Variants in ALAS1 observed in about 807,000 individuals in gnomAD.
The protein encoded by ALAS1 is 5-aminolevulinate synthase, non-specific, mitochondrial.
Under a neutral mutation model 59.6 loss-of-function variants are expected in ALAS1, and 29 were observed. The observed-to-expected ratio is 0.49, with a 90% CI of 0.36 to 0.66. ALAS1 has a LOEUF of 0.66. ALAS1 is among the 30% of genes least tolerant of loss of function. The pLI, the probability that ALAS1 is intolerant of heterozygous loss-of-function variation, is 0.00. For synonymous variants in ALAS1, 299 were observed against 296.6 expected, an observed-to-expected ratio of 1.01 and a Z score of -0.08; for missense variants, 690 against 807.5, an observed-to-expected ratio of 0.85 and a Z score of 1.76.
At position 52,205,995 on chromosome 3, in the gene ALAS1, C is replaced by A; in HGVS notation, c.957C>A (p.Thr319=). The change falls in exon 7 of 12, where the codon ACC becomes ACA. Residue 319 remains threonine (T), a synonymous_variant. Transcript: ENST00000484952. The stretch of plus-strand genomic sequence containing the variant: ...CGTGCTTTGTGGCCAATGACTCAAC[C>A]CTCTTCACCCTGGCTAAGATGATGC... The part of the protein sequence containing the change: ...FSSCFVANDS[T]LFTLAKMMPG... 3 of 1,612,352 alleles carry A rather than the reference C, an allele frequency of 1.9e-6. No individual in the cohort carries two copies. The highest frequency in any genetic ancestry group is 2.5e-6 in the Non-Finnish European group (3 of 1,178,990).
At chr3:52,198,938 G>A (rs1044678512) in intron 2 of ALAS1, 90 bp downstream of exon 2, 54 of 1,413,778 alleles carry the variant, frequency 3.8e-5, no homozygotes, top group Non-Finnish European at 4.6e-5. Flanking sequence ...TCATCCTTCC[G>A]CCCCCTTGAT....
chr3:52,208,186 C>T lies in ALAS1; in HGVS notation c.1269C>T (p.Gly423=), dbSNP rs141435391. The part of the protein sequence containing the change: ...VHAVGLYGAR[G]GGIGDRDGVM... ...CAGTGGGGCTTTATGGGGCTCGAGGCGGAGGGATTGGGGATCGGGATGGAG... is the reference window on the plus strand; with the variant it reads ...CAGTGGGGCTTTATGGGGCTCGAGGTGGAGGGATTGGGGATCGGGATGGAG... Residue 423 remains glycine, a synonymous_variant, in exon 9 of 12, where the codon GGC becomes GGT. Transcript: ENST00000484952. 652 of 1,613,874 alleles carry T rather than the reference C, an allele frequency of 4.0e-4. 2 individuals are homozygous for T. The African/African-American group carries it at 6.6e-3, about 16-fold the overall frequency.
At position 52,208,171 on chromosome 3, in the gene ALAS1, T is replaced by C; in HGVS notation, c.1254T>C (p.Leu418=). Reference sequence around the variant, plus strand: ...TGGATGAGGTCCACGCAGTGGGGCTTTATGGGGCTCGAGGCGGAGGGATTG... The same window carrying C: ...TGGATGAGGTCCACGCAGTGGGGCTCTATGGGGCTCGAGGCGGAGGGATTG... ...TFVDEVHAVG[L]YGARGGGIGD... Residue 418 remains leucine, a synonymous_variant, in exon 9 of 12, where the codon CTT becomes CTC. Transcript: ENST00000484952. 1 of 1,613,822 alleles carries C rather than the reference T, an allele frequency of 6.2e-7. No individual in the cohort carries two copies. Among genetic ancestry groups the C allele is most frequent in the Non-Finnish European group, 8.5e-7 (1 of 1,179,822 alleles).
rs1285063855 is a variant in ALAS1, at chr3:52,199,435, G to T, written c.194G>T (p.Ser65Ile). The T allele has an allele frequency of 2.5e-6, 4 of 1,612,916 alleles. No individual in the cohort carries two copies. The highest frequency in any genetic ancestry group is 3.4e-6 in the Non-Finnish European group (4 of 1,179,360). ...CAGATCAAAGAAACCCCTCCGGCCAGTGAGAGTAAGTGTCATTGACAATGA... is the reference window on the plus strand; with the variant it reads ...CAGATCAAAGAAACCCCTCCGGCCATTGAGAGTAAGTGTCATTGACAATGA... The part of the protein sequence containing the change: ...YQQIKETPPA[S>I]EKDKTAKAKV... Residue 65 changes from serine to isoleucine, a missense_variant, in exon 3 of 12, where the codon AGT becomes ATT. By Grantham distance (142) the Ser-to-Ile change is moderately radical. Coordinates refer to ENST00000484952, the MANE Select transcript of ALAS1 (RefSeq NM_000688.6).
At chr3:52,206,841 T>C (rs1367244590) in intron 8 of ALAS1, 90 bp downstream of exon 8, 2 of 751,946 alleles carry the variant, frequency 2.7e-6, no homozygotes, top group East Asian at 4.5e-5. Context: ...TGTTTTTTAA[T>C]TTTTTTTTTT....
chr3:52,199,081 C>T (rs1018284135), intron 2 of ALAS1, 129 bp from the exon 3 acceptor site: 3 of 1,051,452 alleles, frequency 2.9e-6, no homozygotes, highest in Non-Finnish European at 2.8e-6. Context: ...TGTCCTTAGG[C>T]ATTTTTGAGG....
At chr3:52,201,248 A>C (rs1446140101) in intron 3 of ALAS1, among the ~76,000 whole-genome samples, 1 of 152,226 alleles carries the variant, frequency 6.6e-6, no homozygotes, top group African/African-American at 2.4e-5. Flanking sequence ...TAGAAGGATA[A>C]TTACCAGCCA....
Position 52,199,490 on chromosome 3 carries a change from G to A in ALAS1, c.199+50G>A, listed in dbSNP as rs565429731. 6.4e-6 allele frequency: 10 copies of A among 1,562,590 alleles called. No individual in the cohort carries two copies. In the South Asian group the frequency reaches 1.0e-4, roughly 16 times the overall value. On this transcript the variant is annotated intron_variant, in intron 3 of 11. Transcript: ENST00000484952. ...GCAGGTATGGGTGTTTGTGCTCATTGGTAGACTAGAAGCAGTCCCCACAGT... is the reference window on the plus strand; with the variant it reads ...GCAGGTATGGGTGTTTGTGCTCATTAGTAGACTAGAAGCAGTCCCCACAGT...
chr3:52,202,457 A>C, intron 3 of ALAS1, 50 bp from the exon 4 acceptor site: 3 of 1,444,414 alleles, frequency 2.1e-6, no homozygotes, highest in Non-Finnish European at 2.9e-6. Context: ...GTTTTCTTAC[A>C]TACTGTGCAA....
At position 52,206,025 on chromosome 3, in the gene ALAS1, TAAGG is replaced by T. The variant is rs1699285278; in HGVS notation, c.985+6_985+9del. The stretch of plus-strand genomic sequence containing the variant: ...TCACCCTGGCTAAGATGATGCCAGG[TAAGG>T]AAGCCTGGCATGAGTGCCTTCGAGT... On this transcript the variant is annotated splice_donor_5th_base_variant and intron_variant, in intron 7 of 11. Transcript: ENST00000484952. 1.3e-6 allele frequency: 2 copies of T among 1,586,242 alleles called. No individual in the cohort carries two copies. Among genetic ancestry groups the T allele is most frequent in the Admixed American group, 1.8e-5 (1 of 55,822 alleles).
chr3:52,212,122 C>T (rs1699422334), intron 10 of ALAS1, 136 bp from the exon 11 acceptor site: 7 of 773,364 alleles, frequency 9.1e-6, no homozygotes, highest in African/African-American at 1.7e-5. Flanking sequence ...CAGCGCTTTC[C>T]CTCTGCCCCA....
rs202174005 is a variant in ALAS1 at position 52,211,424 on chromosome 3, T to C, written c.1472T>C (p.Ile491Thr). ...LLAGALESVR[I>T]LKSAEGRVLR... Reference sequence around the variant, plus strand: ...GCTGGAGCCCTGGAGTCTGTGCGGATCCTGAAGAGCGCTGAGGGACGGGTG... The same window carrying C: ...GCTGGAGCCCTGGAGTCTGTGCGGACCCTGAAGAGCGCTGAGGGACGGGTG... The change falls in exon 10 of 12, where the codon ATC becomes ACC. Residue 491 changes from isoleucine to threonine, a missense_variant. By Grantham distance (89) the Ile-to-Thr change is moderately conservative. Coordinates refer to ENST00000484952, the MANE Select transcript of ALAS1 (RefSeq NM_000688.6). 2 of 1,614,216 alleles carry C rather than the reference T, an allele frequency of 1.2e-6. No homozygotes were observed. The highest frequency in any genetic ancestry group is 1.7e-6 in the Non-Finnish European group (2 of 1,180,032).
At chr3:52,204,946 G>T (rs1459331024) in intron 6 of ALAS1, 31 bp downstream of exon 6, 1 of 1,569,466 alleles carries the variant, frequency 6.4e-7, no homozygotes, top group East Asian at 2.2e-5. Flanking sequence ...AAATATTACT[G>T]TTGTTATTTG....
Position 52,202,731 on chromosome 3 carries a change from A to G in ALAS1, c.424A>G (p.Lys142Glu), listed in dbSNP as rs1295098952. The G allele has an allele frequency of 6.2e-7, 1 of 1,613,774 alleles. No individual in the cohort carries two copies. Among genetic ancestry groups the G allele is most frequent in the East Asian group, 2.2e-5 (1 of 44,884 alleles). Residue 142 changes from lysine to glutamate, a missense_variant, in exon 4 of 12, where the codon AAA (lysine) becomes GAA (glutamate). By Grantham distance (56) the Lys-to-Glu change is moderately conservative. Transcript: ENST00000484952. ...EDVQEMNAVR[K>E]EVAETSAGPS... Reference sequence around the variant, plus strand: ...TGTGCAGGAAATGAATGCCGTGAGGAAAGGTAAGAGATGAGTTGTGAACCA... The same window carrying G: ...TGTGCAGGAAATGAATGCCGTGAGGGAAGGTAAGAGATGAGTTGTGAACCA...
intron 10 of ALAS1, 111 bp from the exon 11 acceptor site, chr3:52,212,147 G>A (rs1699422617): frequency 1.1e-6 from 1 of 933,898 alleles, no homozygotes; most frequent in Non-Finnish European, 1.6e-6. Context: ...TGCATGTGTT[G>A]CTACAGTCTG....
rs562527726 is a variant in ALAS1 at position 52,204,694 on chromosome 3, T to C, written c.579T>C (p.Ser193=). ...SHLLQDNLPK[S]VSTFQYDRFF... ...TACTGTCTTTTGTTCAATTTTTAGC[T>C]GTTTCCACTTTTCAGTATGATCGTT... The change falls in exon 6 of 12, where the codon TCT becomes TCC. Residue 193 remains serine (S), a splice_region_variant and synonymous_variant. Transcript: ENST00000484952. The C allele has an allele frequency of 6.2e-7, 1 of 1,613,310 alleles. No homozygotes were observed. Among genetic ancestry groups the C allele is most frequent in the Admixed American group, 1.7e-5 (1 of 60,000 alleles).
At chr3:52,211,091 A>G (rs868847516) in intron 9 of ALAS1, among the ~76,000 whole-genome samples, 192 bp from the exon 10 acceptor site, 1 of 152,218 alleles carries the variant, frequency 6.6e-6, no homozygotes, top group Non-Finnish European at 1.5e-5. Flanking sequence ...ATCTTATGGG[A>G]CCACCATCAT....
intron 11 of ALAS1, 35 bp from the exon 12 acceptor site, chr3:52,213,985 A>T (rs1212382294): frequency 1.9e-6 from 3 of 1,575,308 alleles, no homozygotes; most frequent in Non-Finnish European, 2.6e-6. Flanking sequence ...TGTGTATATT[A>T]CTCCCTTTAA....
rs1045754429 is a variant in ALAS1 at position 52,211,694 on chromosome 3, T to C, written c.1599+143T>C. ...GGTTGTAGCCAGCCACCCTCTGTCA[T>C]GTTTCCGCCATTGGCTGACTTCACC... is the stretch of plus-strand genomic sequence containing the variant. On this transcript the variant is annotated intron_variant, in intron 10 of 11. Coordinates refer to ENST00000484952, the MANE Select transcript of ALAS1 (RefSeq NM_000688.6). The C allele has an allele frequency of 2.4e-5, 30 of 1,233,192 alleles. No individual in the cohort carries two copies. The African/African-American group carries it at 4.3e-4, about 18-fold the overall frequency. The allele number at this position is 1,233,192 out of a possible 1,614,324, so 76.4% of individuals were successfully genotyped here.
Sources: allele counts gnomAD v4.1 joint callset (sites outside exome capture counted in the v4.1 genomes callset), GRCh38; gene constraint gnomAD v4.1.1; transcripts MANE v1.5; gene names NCBI Gene and HGNC (gene_info 2026-07-23, HGNC 2026-07-21).